ANO10: variants seen among roughly 807,000 people sequenced by gnomAD.
ANO10 encodes anoctamin 10.
A neutral mutation model predicts 74.7 loss-of-function variants in ANO10; 77 were observed. The observed-to-expected ratio is 1.03, with a 90% confidence interval of 0.86 to 1.25. The LOEUF (loss-of-function observed/expected upper bound fraction) is 1.25, where lower values mean the gene tolerates loss of function less well. Among genes scored for constraint, ANO10 ranks in the 50% most tolerant of loss-of-function variants. The pLI, the probability that ANO10 is intolerant of heterozygous loss-of-function variation, is 0.00. For missense variants in ANO10, 721 were observed against 778.1 expected, an observed-to-expected ratio of 0.93 and a Z score of 0.87; for synonymous variants, 279 against 284.9, an observed-to-expected ratio of 0.98 and a Z score of 0.21.
At chr3:43,368,988 C>G (rs1260482009) in intron 12 of ANO10, among the ~76,000 whole-genome samples, 3 of 152,250 alleles carry the variant, frequency 2.0e-5, no homozygotes, top group Non-Finnish European at 4.4e-5. Context: ...GGCATGGTGG[C>G]TGGAAGCCCC....
intron 11 of ANO10, among the ~76,000 whole-genome samples, chr3:43,495,680 T>C (rs950824742): frequency 3.3e-5 from 5 of 152,216 alleles, no homozygotes; most frequent in Non-Finnish European, 4.4e-5. Flanking sequence ...AGACAACATT[T>C]TGCCTATCCA....
chr3:43,518,132 G>A (rs2149206034), intron 11 of ANO10, among the ~76,000 whole-genome samples: 1 of 152,304 alleles, frequency 6.6e-6, no homozygotes, highest in East Asian at 1.9e-4. Context: ...GTTGTGGGAA[G>A]TCAGGAACCC....
In ANO10 at chr3:43,493,836, G is replaced by A. The variant is rs373078500; in HGVS notation, c.1797+55884C>T. On this transcript the variant is annotated intron_variant, in intron 11 of 12. Coordinates refer to ENST00000292246, the MANE Select transcript of ANO10 (RefSeq NM_018075.5). ...CTGTAATCTCCAAATCCTGGATTCA[G>A]GTGATCCTCCTGCCTCAATCTCCTG... is the stretch of plus-strand genomic sequence containing the variant. Among the ~76,000 whole-genome samples, 13 of 152,232 alleles carry A rather than the reference G, an allele frequency of 8.5e-5. 1 individual carries two copies. The highest frequency in any genetic ancestry group is 7.7e-4 in the East Asian group (4 of 5,162).
intron 1 of ANO10, among the ~76,000 whole-genome samples, chr3:43,660,230 A>G (rs763959146): frequency 3.9e-5 from 6 of 152,216 alleles, no homozygotes; most frequent in South Asian, 2.1e-4. Flanking sequence ...AGAGAACAAA[A>G]CTGGATGGAG....
At chr3:43,408,856 C>A (rs2092620701) in intron 12 of ANO10, among the ~76,000 whole-genome samples, 1 of 151,740 alleles carries the variant, frequency 6.6e-6, no homozygotes, top group Non-Finnish European at 1.5e-5. Context: ...ATGGTGAAAC[C>A]CCGTCTCTAC....
chr3:43,679,486 C>A (rs1331330380), intron 1 of ANO10, among the ~76,000 whole-genome samples: 1 of 152,192 alleles, frequency 6.6e-6, no homozygotes, highest in Non-Finnish European at 1.5e-5. Flanking sequence ...AGGAAGCCTG[C>A]CAGCCTCTGT....
intron 11 of ANO10, among the ~76,000 whole-genome samples, chr3:43,462,031 T>A (rs1275497703): frequency 6.6e-6 from 1 of 152,138 alleles, no homozygotes; most frequent in Non-Finnish European, 1.5e-5. Context: ...CAGATGGAGA[T>A]GAGAAACTTG....
chr3:43,604,004 C>T (rs999777949), intron 2 of ANO10, among the ~76,000 whole-genome samples: 1 of 152,128 alleles, frequency 6.6e-6, no homozygotes, highest in African/African-American at 2.4e-5. Flanking sequence ...AAAAACCATG[C>T]ATCTGACCAT....
chr3:43,513,125 A>C (rs1467626168), intron 11 of ANO10, among the ~76,000 whole-genome samples: 1 of 152,168 alleles, frequency 6.6e-6, no homozygotes, highest in African/African-American at 2.4e-5. Context: ...GTATGTGAGG[A>C]AACTATCTGA....
chr3:43,373,743 T>G (rs929990485), intron 12 of ANO10, among the ~76,000 whole-genome samples: 2 of 152,238 alleles, frequency 1.3e-5, no homozygotes, highest in African/African-American at 4.8e-5. Context: ...TAGTCATGTC[T>G]GATTAACTAC....
chr3:43,471,531 C>T (rs1321673793), intron 11 of ANO10, among the ~76,000 whole-genome samples: 1 of 152,082 alleles, frequency 6.6e-6, no homozygotes, highest in Non-Finnish European at 1.5e-5. Context: ...ACAAATGATA[C>T]GCTCCCATAG....
At chr3:43,526,266 T>C (rs898044474) in intron 11 of ANO10, among the ~76,000 whole-genome samples, 1 of 152,234 alleles carries the variant, frequency 6.6e-6, no homozygotes, top group Non-Finnish European at 1.5e-5. Flanking sequence ...AATATCTTTA[T>C]ATTTTATTAA....
chr3:43,394,145 C>T (rs901691010), intron 12 of ANO10, among the ~76,000 whole-genome samples: 2 of 152,082 alleles, frequency 1.3e-5, no homozygotes, highest in Non-Finnish European at 2.9e-5. Context: ...CTTGGAAATC[C>T]GTGCTAATGA....
intron 1 of ANO10, among the ~76,000 whole-genome samples, chr3:43,667,331 C>T (rs1383844007): frequency 3.9e-5 from 6 of 152,050 alleles, no homozygotes; most frequent in South Asian, 2.1e-4. Flanking sequence ...CCTCATGATA[C>T]GCTCATGTCA....
intron 1 of ANO10, among the ~76,000 whole-genome samples, chr3:43,641,915 AC>A (rs1228198768): frequency 6.6e-6 from 1 of 152,098 alleles, no homozygotes; most frequent in Non-Finnish European, 1.5e-5. Context: ...CTTACCACCT[AC>A]CCACCCACCC....
At chr3:43,504,499 G>A (rs1431648815) in intron 11 of ANO10, among the ~76,000 whole-genome samples, 3 of 152,056 alleles carry the variant, frequency 2.0e-5, no homozygotes, top group African/African-American at 7.2e-5. Flanking sequence ...GTACCTAGCT[G>A]ATTGCAACTG....
chr3:43,549,983 T>C, intron 10 of ANO10, 135 bp from the exon 11 acceptor site: 1 of 1,058,298 alleles, frequency 9.4e-7, no homozygotes, highest in Non-Finnish European at 1.4e-6. Context: ...TTTAAATTTT[T>C]TTCTCTGTCA....
chr3:43,628,020 G>A (rs750541953), intron 1 of ANO10, among the ~76,000 whole-genome samples: 18 of 152,094 alleles, frequency 1.2e-4, no homozygotes, highest in Non-Finnish European at 1.8e-4. Context: ...CTGAGTAGCT[G>A]GGACTACAGG....
intron 1 of ANO10, among the ~76,000 whole-genome samples, chr3:43,618,926 C>T (rs558499341): frequency 3.9e-5 from 6 of 152,232 alleles, no homozygotes; most frequent in African/African-American, 7.2e-5. Flanking sequence ...CTCAGCCTCC[C>T]GAGTAGCTGG....
Sources: gnomAD v4.1 joint callset for allele counts (sites outside exome capture counted in the v4.1 genomes callset) on GRCh38, gnomAD v4.1.1 for gene constraint, MANE v1.5 for transcripts, NCBI Gene and HGNC (gene_info 2026-07-23, HGNC 2026-07-21) for gene names.